DLEU7: variants seen among roughly 807,000 people sequenced by gnomAD.
DLEU7 encodes deleted in lymphocytic leukemia 7, also known as leukemia-associated protein 7.
DLEU7 carries 17 observed loss-of-function variants against 16.0 expected under a neutral mutation model. That is an observed-to-expected ratio of 1.06 (90% confidence interval 0.73 to 1.59). DLEU7 has a LOEUF of 1.59. Among genes scored for constraint, DLEU7 ranks in the 40% most tolerant of loss-of-function variants. The pLI is 0.00. For missense variants in DLEU7, 308 were observed against 314.9 expected (o/e 0.98, Z 0.17); for synonymous variants, 113 against 139.8 (o/e 0.81, Z 1.35).
intron 1 of DLEU7, among the ~76,000 whole-genome samples, chr13:50,744,466 A>G (rs1023956373): frequency 6.6e-6 from 1 of 152,190 alleles, no homozygotes; most frequent in African/African-American, 2.4e-5. Context: ...GTTAAACGTT[A>G]ACTCACAAAG....
chr13:50,819,809 A>C (rs368568478), downstream of DLEU7, among the ~76,000 whole-genome samples: 101 of 152,298 alleles, frequency 6.6e-4, no homozygotes, highest in South Asian at 1.9e-3. Context: ...GATATTCTGT[A>C]GTCAGTTGAA....
chr13:50,843,723 A>G (rs1877773759), upstream of DLEU7: 3 of 1,463,770 alleles, frequency 2.0e-6, no homozygotes, highest in Middle Eastern at 2.4e-4. The surrounding 1 kb of genome is among the most constrained non-coding windows in gnomAD (Gnocchi z 5.7). Context: ...TGGGGTCGCC[A>G]AGGTCACATT....
chr13:50,711,300 G>A (rs906049731), downstream of DLEU7: 2 of 152,174 alleles, frequency 1.3e-5, no homozygotes, highest in African/African-American at 4.8e-5. Flanking sequence ...TTGGCACATG[G>A]AGGCATTCAA....
At chr13:50,784,459 A>G (rs1157415809) in intron 1 of DLEU7, among the ~76,000 whole-genome samples, 1 of 152,180 alleles carries the variant, frequency 6.6e-6, no homozygotes, top group Non-Finnish European at 1.5e-5. Flanking sequence ...ACTTGTTTCC[A>G]TCTCAAGGGA....
chr13:50,727,214 C>CAT (rs1555288115), intron 1 of DLEU7, among the ~76,000 whole-genome samples: 2 of 150,078 alleles, frequency 1.3e-5, no homozygotes, highest in African/African-American at 2.4e-5. Flanking sequence ...CTCTTGCATA[C>CAT]GTGTGTGTGT....
intron 1 of DLEU7, among the ~76,000 whole-genome samples, chr13:50,788,380 C>T (rs573252181): frequency 6.6e-6 from 1 of 152,314 alleles, no homozygotes; most frequent in Non-Finnish European, 1.5e-5. Flanking sequence ...CACATTCCCC[C>T]AGACCCTCCT....
At chr13:50,752,531 G>A (rs375098078) in intron 1 of DLEU7, among the ~76,000 whole-genome samples, 7 of 152,086 alleles carry the variant, frequency 4.6e-5, no homozygotes, top group Admixed American at 1.3e-4. Flanking sequence ...TCTTAAAGGC[G>A]GCGTGTCCAG....
chr13:50,713,791 C>T (rs2137699166), intron 1 of DLEU7, among the ~76,000 whole-genome samples: 1 of 152,260 alleles, frequency 6.6e-6, no homozygotes, highest in East Asian at 1.9e-4. Context: ...GCTATGAAAT[C>T]ATGCCTCCTA....
intron 1 of DLEU7, among the ~76,000 whole-genome samples, chr13:50,799,147 G>A (rs1187016375): frequency 6.6e-6 from 1 of 152,150 alleles, no homozygotes; most frequent in Non-Finnish European, 1.5e-5. Flanking sequence ...CTTTGCCTTG[G>A]TTGGGGTAGG....
At chr13:50,742,985 G>A (rs1213490031) in intron 1 of DLEU7, among the ~76,000 whole-genome samples, 1 of 152,174 alleles carries the variant, frequency 6.6e-6, no homozygotes, top group Admixed American at 6.5e-5. Context: ...CACCCCTCCA[G>A]AGGAGAGTCA....
At chr13:50,721,123 A>C (rs970463958) in intron 1 of DLEU7, among the ~76,000 whole-genome samples, 12 of 152,170 alleles carry the variant, frequency 7.9e-5, no homozygotes, top group African/African-American at 2.7e-4. Flanking sequence ...AAGGTGGGAG[A>C]AGCCGACTTG....
Position 50,823,300 on chromosome 13 carries a change from G to C in DLEU7, c.*14C>G. 1.3e-6 allele frequency: 2 copies of C among 1,534,362 alleles called. No homozygotes were observed. Among genetic ancestry groups the C allele is most frequent in the Middle Eastern group, 1.7e-4 (1 of 5,976 alleles). On this transcript the variant is annotated 3_prime_UTR_variant, in exon 2 of 2. Coordinates refer to ENST00000504404, the MANE Select transcript of DLEU7 (RefSeq NM_001306135.2). The stretch of plus-strand genomic sequence containing the variant: ...CAGTGCTGGCTGTGGTTTTACTCCC[G>C]ATGCCTTTAACACTCATATGTCTGG...
intron 1 of DLEU7, among the ~76,000 whole-genome samples, chr13:50,753,453 G>A (rs942537887): frequency 2.2e-4 from 34 of 152,338 alleles, no homozygotes; most frequent in African/African-American, 5.3e-4. Flanking sequence ...GCCCTGCCCC[G>A]TGGGAAGGCA....
intron 1 of DLEU7, among the ~76,000 whole-genome samples, chr13:50,794,941 A>G (rs1430997663): frequency 6.6e-6 from 1 of 151,364 alleles, no homozygotes; most frequent in African/African-American, 2.4e-5. Flanking sequence ...TATGTATTAT[A>G]TAAATACATA....
intron 1 of DLEU7, among the ~76,000 whole-genome samples, chr13:50,754,943 T>C (rs1566239736): frequency 6.6e-6 from 1 of 152,214 alleles, no homozygotes. Context: ...TTCCTTCATA[T>C]GTGATTCTTA....
chr13:50,807,531 A>G (rs1876429537), intron 1 of DLEU7, among the ~76,000 whole-genome samples: 1 of 151,524 alleles, frequency 6.6e-6, no homozygotes, highest in African/African-American at 2.4e-5. Context: ...GTAATGTATT[A>G]TCCTATGCAA....
intron 1 of DLEU7, among the ~76,000 whole-genome samples, chr13:50,802,526 A>C (rs1876280221): frequency 6.6e-6 from 1 of 152,218 alleles, no homozygotes; most frequent in Admixed American, 6.5e-5. Context: ...GAGAAATATT[A>C]AGCAGAAATG....
intron 1 of DLEU7, among the ~76,000 whole-genome samples, chr13:50,727,118 A>T (rs1240944431): frequency 6.6e-6 from 1 of 152,196 alleles, no homozygotes; most frequent in Non-Finnish European, 1.5e-5. Flanking sequence ...GCTATGCTAA[A>T]AACTATAATT....
intron 1 of DLEU7, among the ~76,000 whole-genome samples, chr13:50,805,931 CA>C (rs1276011506): frequency 6.6e-6 from 1 of 152,174 alleles, no homozygotes; most frequent in African/African-American, 2.4e-5. Flanking sequence ...ATAGTTATGG[CA>C]GAGACCATAT....
Sources: gnomAD v4.1 joint callset for allele counts (sites outside exome capture counted in the v4.1 genomes callset) on GRCh38, gnomAD v4.1.1 for gene constraint, Gnocchi (gnomAD v3.1) non-coding constraint, MANE v1.5 for transcripts, NCBI Gene and HGNC (gene_info 2026-07-23, HGNC 2026-07-21) for gene names.